Variants in MALRD1 observed in about 807,000 individuals in gnomAD.
MALRD1 encodes the protein MAM and LDL-receptor class A domain-containing protein 1.
MALRD1 carries 247 observed loss-of-function variants against 242.1 expected under a neutral mutation model. That is an observed-to-expected ratio of 1.02 (90% confidence interval 0.92 to 1.13). The LOEUF is 1.13. Ranked by LOEUF, MALRD1 falls within the 50% of genes most tolerant of loss-of-function variation. The probability of loss-of-function intolerance (pLI) is 0.00; values close to 1 mark genes in which losing one functional copy is unlikely to be tolerated. For synonymous variants in MALRD1, 995 were observed against 866.6 expected, an observed-to-expected ratio of 1.15 and a Z score of -2.60; for missense variants, 2,989 against 2,533.1, an observed-to-expected ratio of 1.18 and a Z score of -3.86.
At chr10:19,103,417 C>T (rs968893371) in intron 4 of MALRD1, among the ~76,000 whole-genome samples, 23 of 151,710 alleles carry the variant, frequency 1.5e-4, no homozygotes, top group South Asian at 4.2e-4. Context: ...AAAAATTAGC[C>T]GGGCGCGGTG....
At chr10:19,306,502 A>G (rs11009390) in intron 21 of MALRD1, among the ~76,000 whole-genome samples, 12,995 of 134,540 alleles carry the variant, frequency 0.097, 1,145 homozygotes, top group Non-Finnish European at 0.11. Flanking sequence ...TCGTATATGT[A>G]CTGTGTATAG....
In MALRD1 at chr10:19,123,602, T is replaced by C. The variant is rs1271572407; in HGVS notation, c.796+9T>C. 9.8e-6 allele frequency: 12 copies of C among 1,220,098 alleles called. No homozygotes were observed. The highest frequency in any genetic ancestry group is 1.1e-5 in the Non-Finnish European group (11 of 975,740). 75.6% of individuals were successfully genotyped at this position (1,220,098 alleles called of 1,614,324 possible). On this transcript the variant is annotated intron_variant, in intron 6 of 39. Transcript: ENST00000454679. ...AGATGAAGAGTTGAGATGTAAGTGT[T>C]AAATTGAGATATTCACTTTTCTGGT...
At chr10:19,671,888 A>T (rs1027831536) in intron 36 of MALRD1, among the ~76,000 whole-genome samples, 9 of 151,918 alleles carry the variant, frequency 5.9e-5, no homozygotes, top group African/African-American at 2.2e-4. Flanking sequence ...AGATAAGGCA[A>T]CCTTTCTTTG....
At chr10:19,159,740 A>C (rs1241990180) in intron 12 of MALRD1, among the ~76,000 whole-genome samples, 1 of 152,148 alleles carries the variant, frequency 6.6e-6, no homozygotes, top group Non-Finnish European at 1.5e-5. Context: ...AGAGAGCCCA[A>C]GGTCCCAGAG....
At chr10:19,709,683 TA>T (rs1834020016) in intron 38 of MALRD1, among the ~76,000 whole-genome samples, 1 of 152,020 alleles carries the variant, frequency 6.6e-6, no homozygotes, top group Non-Finnish European at 1.5e-5. Flanking sequence ...AGGGTGTCTG[TA>T]ATTTGACTGA....
intron 33 of MALRD1, among the ~76,000 whole-genome samples, chr10:19,580,657 C>A (rs1473513071): frequency 1.3e-5 from 2 of 152,264 alleles, no homozygotes; most frequent in East Asian, 3.9e-4. Context: ...TTCCAGCTCC[C>A]TCTTATGTTA....
chr10:19,590,291 G>C (rs1044282536), intron 33 of MALRD1, among the ~76,000 whole-genome samples: 1 of 147,092 alleles, frequency 6.8e-6, no homozygotes, highest in Admixed American at 6.8e-5. Flanking sequence ...TTATATACAT[G>C]TATATATTAT....
chr10:19,641,149 T>C (rs1037799574), intron 36 of MALRD1, among the ~76,000 whole-genome samples: 9 of 152,136 alleles, frequency 5.9e-5, no homozygotes, highest in Admixed American at 2.6e-4. Context: ...TGGCGGGTAA[T>C]TTTTTTAGGA....
chr10:19,301,369 C>T (rs911297079), intron 21 of MALRD1, among the ~76,000 whole-genome samples: 4 of 151,610 alleles, frequency 2.6e-5, no homozygotes, highest in Non-Finnish European at 2.9e-5. Flanking sequence ...AGTATATATC[C>T]AAAGCAATAT....
intron 19 of MALRD1, among the ~76,000 whole-genome samples, chr10:19,260,322 G>C (rs7088666): frequency 0.085 from 12,911 of 152,138 alleles, 737 homozygotes; most frequent in African/African-American, 0.16. Context: ...TCATAGCTCT[G>C]TGTAATTTCA....
intron 38 of MALRD1, among the ~76,000 whole-genome samples, chr10:19,694,163 T>C (rs1417594694): frequency 6.6e-6 from 1 of 152,192 alleles, no homozygotes; most frequent in African/African-American, 2.4e-5. Flanking sequence ...GACATAGGCA[T>C]GGGCAAGGAC....
intron 28 of MALRD1, among the ~76,000 whole-genome samples, chr10:19,429,489 G>C (rs371154373): frequency 6.6e-6 from 1 of 152,080 alleles, no homozygotes; most frequent in Admixed American, 6.5e-5. Flanking sequence ...ACGTGAACCC[G>C]GGAGGTGGAG....
intron 32 of MALRD1, among the ~76,000 whole-genome samples, chr10:19,546,262 A>G (rs1835203698): frequency 6.6e-6 from 1 of 152,186 alleles, no homozygotes; most frequent in South Asian, 2.1e-4. Flanking sequence ...CTGATTCAGC[A>G]TCTCTGGTTT....
chr10:19,619,206 A>T (rs1839298742), intron 36 of MALRD1, among the ~76,000 whole-genome samples: 1 of 151,962 alleles, frequency 6.6e-6, no homozygotes, highest in South Asian at 2.1e-4. Flanking sequence ...CTGTTTGTTA[A>T]CCTATTTGCC....
At chr10:19,202,270 C>T (rs1332198845) in intron 14 of MALRD1, among the ~76,000 whole-genome samples, 3 of 151,898 alleles carry the variant, frequency 2.0e-5, no homozygotes. Context: ...TTATACATTC[C>T]CTCTGATTCT....
chr10:19,597,594 C>T (rs1370525160), intron 34 of MALRD1, among the ~76,000 whole-genome samples: 2 of 152,122 alleles, frequency 1.3e-5, no homozygotes, highest in African/African-American at 4.8e-5. Flanking sequence ...TTCATTTATT[C>T]ACAAACCTCA....
chr10:19,151,965 C>T (rs1365909047), intron 11 of MALRD1, among the ~76,000 whole-genome samples: 2 of 152,044 alleles, frequency 1.3e-5, no homozygotes, highest in Admixed American at 6.6e-5. Flanking sequence ...CTCTAACGTT[C>T]CTAAGACACG....
chr10:19,331,686 AC>A, intron 24 of MALRD1, 104 bp downstream of exon 24: 1 of 866,038 alleles, frequency 1.2e-6, no homozygotes, highest in Non-Finnish European at 1.8e-6. Context: ...GTATCTCAAC[AC>A]CAGGGGAAGG....
At chr10:19,521,898 T>C (rs72788565) in intron 31 of MALRD1, among the ~76,000 whole-genome samples, 2,351 of 152,274 alleles carry the variant, frequency 0.015, 28 homozygotes, top group South Asian at 0.041. Context: ...ATCATCATTG[T>C]TAACACTGTT....
Sources: allele counts gnomAD v4.1 joint callset (sites outside exome capture counted in the v4.1 genomes callset), GRCh38; gene constraint gnomAD v4.1.1; transcripts MANE v1.5; gene names NCBI Gene and HGNC (gene_info 2026-07-23, HGNC 2026-07-21).